The following LPP variants were observed in gnomAD, a reference collection of about 807,000 sequenced individuals.
LPP encodes the protein lipoma-preferred partner.
A neutral mutation model predicts 60.4 loss-of-function variants in LPP; 38 were observed. The observed-to-expected ratio is 0.63, with a 90% CI of 0.49 to 0.83. The LOEUF (loss-of-function observed/expected upper bound fraction) is 0.83, where lower values mean the gene tolerates loss of function less well. LPP is among the 40% of genes least tolerant of loss of function. The pLI, the probability that LPP is intolerant of heterozygous loss-of-function variation, is 0.00. For missense variants in LPP, 902 were observed against 783.6 expected (o/e 1.15, Z -1.80); for synonymous variants, 328 against 290.8 (o/e 1.13, Z -1.30).
intron 8 of LPP, among the ~76,000 whole-genome samples, chr3:188,722,688 G>A (rs1353207004): frequency 1.3e-5 from 2 of 152,162 alleles, no homozygotes; most frequent in Admixed American, 1.3e-4. Flanking sequence ...CTCTTCTATA[G>A]AACCTCAGAG....
rs545898374 is a variant in LPP, at chr3:188,247,272, A to C, written c.-67+21745A>C. The C allele has an allele frequency of 3.7e-5, 24 of 642,652 alleles. No individual in the cohort carries two copies. The South Asian group carries it at 5.6e-4, about 15-fold the overall frequency. 39.8% of individuals were successfully genotyped at this position (642,652 alleles called of 1,614,324 possible). A position where few individuals can be genotyped will look rare whatever the true frequency, so the allele number is the denominator to read the frequency against. On this transcript the variant is annotated intron_variant, in intron 2 of 11. Transcript: ENST00000617246. ...GGGCACTTTAGTGGGAAAAAAAAAA[A>C]AACGCTGAGGCTATTTTTAGAGCCT...
In LPP at chr3:188,207,003, T is replaced by G. The variant is rs115011689; in HGVS notation, c.-189-18402T>G. 3.2e-3 allele frequency among the ~76,000 whole-genome samples: 487 copies of G among 152,284 alleles called. 4 individuals carry two copies. Among genetic ancestry groups the G allele is most frequent in the African/African-American group, 0.011 (469 of 41,558 alleles). On this transcript the variant is annotated intron_variant, in intron 1 of 11. Coordinates refer to ENST00000617246, the MANE Select transcript of LPP (RefSeq NM_001375462.1). ...GAGGAGTCAAAAGAGCCTATTTTCTTAAACTCATCAATGGTATAATCAGAG... is the reference window on the plus strand; with the variant it reads ...GAGGAGTCAAAAGAGCCTATTTTCTGAAACTCATCAATGGTATAATCAGAG...
intron 4 of LPP, among the ~76,000 whole-genome samples, chr3:188,420,839 A>G (rs1203433702): frequency 6.6e-6 from 1 of 152,222 alleles, no homozygotes; most frequent in African/African-American, 2.4e-5. Context: ...TAACTACAGT[A>G]GAAAGTGTAA....
intron 9 of LPP, among the ~76,000 whole-genome samples, chr3:188,847,385 G>A (rs1183928229): frequency 6.6e-6 from 1 of 152,206 alleles, no homozygotes; most frequent in Non-Finnish European, 1.5e-5. Context: ...GGATGAAAGA[G>A]ATGGAGAAAT....
Position 188,742,267 on chromosome 3 carries a change from T to C in LPP, c.1241-17846T>C, listed in dbSNP as rs187110224. 2.2e-3 allele frequency among the ~76,000 whole-genome samples: 341 copies of C among 152,234 alleles called. 1 individual carries two copies. The highest frequency in any genetic ancestry group is 7.8e-3 in the African/African-American group (324 of 41,556). ...TTAAAAATAAAACGTGTTCAACATA[T>C]GACCCAGCAATTCTCCTCCTTGACA... is the stretch of plus-strand genomic sequence containing the variant. On this transcript the variant is annotated intron_variant, in intron 8 of 11. Transcript: ENST00000617246.
chr3:188,492,245 G>T (rs1426311507), intron 5 of LPP, among the ~76,000 whole-genome samples: 2 of 152,186 alleles, frequency 1.3e-5, no homozygotes, highest in African/African-American at 4.8e-5. Context: ...TCAAAGTTAA[G>T]TGAGACTATA....
chr3:188,158,655 A>G (rs186000011), intron 1 of LPP, among the ~76,000 whole-genome samples: 383 of 152,274 alleles, frequency 2.5e-3, no homozygotes, highest in Middle Eastern at 6.8e-3. Flanking sequence ...CTGTTATGTA[A>G]TTATCATATT....
chr3:188,414,375 G>A (rs1785626480), intron 4 of LPP, among the ~76,000 whole-genome samples: 1 of 152,118 alleles, frequency 6.6e-6, no homozygotes, highest in African/African-American at 2.4e-5. Flanking sequence ...TTGTGGATTA[G>A]GGTTGCTTAG....
chr3:188,667,072 G>A (rs1002676012), intron 7 of LPP, among the ~76,000 whole-genome samples: 2 of 152,064 alleles, frequency 1.3e-5, no homozygotes, highest in African/African-American at 4.8e-5. Context: ...CTCTGATTAC[G>A]TAGGATTCAT....
chr3:188,659,264 G>C, intron 7 of LPP, among the ~76,000 whole-genome samples: 1 of 152,164 alleles, frequency 6.6e-6, no homozygotes, highest in East Asian at 1.9e-4. Flanking sequence ...TTATACAGTA[G>C]ATGGAACATG....
chr3:188,698,146 T>C (rs1457374648), intron 7 of LPP, among the ~76,000 whole-genome samples: 1 of 151,396 alleles, frequency 6.6e-6, no homozygotes, highest in Admixed American at 6.6e-5. Flanking sequence ...AACTAGCCCA[T>C]TGCATTCTTC....
At chr3:188,743,193 A>G (rs932012125) in intron 8 of LPP, among the ~76,000 whole-genome samples, 1 of 152,176 alleles carries the variant, frequency 6.6e-6, no homozygotes, top group African/African-American at 2.4e-5. Context: ...ATTTTATTTT[A>G]AGAAATTAAA....
intron 5 of LPP, among the ~76,000 whole-genome samples, chr3:188,501,777 C>A (rs1457499974): frequency 6.6e-6 from 1 of 151,318 alleles, no homozygotes; most frequent in Non-Finnish European, 1.5e-5. Flanking sequence ...ATTAGCCGGG[C>A]GTGGTGGTGG....
intron 4 of LPP, among the ~76,000 whole-genome samples, chr3:188,420,629 G>A (rs1787538881): frequency 6.6e-6 from 1 of 152,106 alleles, no homozygotes; most frequent in Non-Finnish European, 1.5e-5. Context: ...TTTAGGGAAA[G>A]CATTCACAAC....
intron 6 of LPP, among the ~76,000 whole-genome samples, chr3:188,560,207 C>A (rs1385474928): frequency 1.3e-5 from 2 of 152,090 alleles, no homozygotes; most frequent in African/African-American, 2.4e-5. Flanking sequence ...AGGTTTACTT[C>A]CCCTTCTGTA....
At chr3:188,395,728 C>CTAGCCTGGGCAACA (rs529483234) in intron 3 of LPP, among the ~76,000 whole-genome samples, 1,552 of 152,154 alleles carry the variant, frequency 0.01, 28 homozygotes, top group African/African-American at 0.035. Flanking sequence ...GAGTTCGAGA[C>CTAGCCTGGGCAACA]TAGTGAGACC....
intron 7 of LPP, among the ~76,000 whole-genome samples, chr3:188,638,828 AAGG>A (rs1208573498): frequency 1.3e-5 from 2 of 149,162 alleles, no homozygotes; most frequent in Non-Finnish European, 3.0e-5. Flanking sequence ...GGACCTCTTC[AAGG>A]AGAACTACAA....
At chr3:188,789,920 G>A (rs1320927050) in intron 9 of LPP, among the ~76,000 whole-genome samples, 3 of 152,106 alleles carry the variant, frequency 2.0e-5, no homozygotes, top group Non-Finnish European at 4.4e-5. Flanking sequence ...CTTGGTATTG[G>A]CAAAAGTATG....
At chr3:188,737,952 A>G (rs1331854881) in intron 8 of LPP, among the ~76,000 whole-genome samples, 2 of 152,178 alleles carry the variant, frequency 1.3e-5, no homozygotes, top group African/African-American at 4.8e-5. Flanking sequence ...CTTAATCAAC[A>G]TGCTATCATA....
Sources: gnomAD v4.1 joint callset for allele counts (sites outside exome capture counted in the v4.1 genomes callset) on GRCh38, gnomAD v4.1.1 for gene constraint, MANE v1.5 for transcripts, NCBI Gene and HGNC (gene_info 2026-07-23, HGNC 2026-07-21) for gene names.